ABCB5: variants seen among roughly 807,000 people sequenced by gnomAD.
ABCB5 encodes ATP-binding cassette sub-family B member 5.
A neutral mutation model predicts 144.2 loss-of-function variants in ABCB5; 155 were observed. The observed-to-expected ratio is 1.08, with a 90% CI of 0.94 to 1.23. The LOEUF is 1.23. Ranked by LOEUF, ABCB5 falls within the 50% of genes most tolerant of loss-of-function variation. The pLI is 0.00. For synonymous variants in ABCB5, 610 were observed against 528.6 expected, an observed-to-expected ratio of 1.15 and a Z score of -2.11; for missense variants, 1,830 against 1,520.8, an observed-to-expected ratio of 1.20 and a Z score of -3.38.
intron 2 of ABCB5, among the ~76,000 whole-genome samples, chr7:20,624,266 A>G (rs946428085): frequency 6.6e-6 from 1 of 152,328 alleles, no homozygotes; most frequent in Non-Finnish European, 1.5e-5. Context: ...CACAGGAAGC[A>G]TTGTAACTGT....
intron 14 of ABCB5, among the ~76,000 whole-genome samples, chr7:20,666,347 A>G (rs1461409608): frequency 6.6e-6 from 1 of 152,176 alleles, no homozygotes; most frequent in African/African-American, 2.4e-5. Flanking sequence ...CTGTGCTGAC[A>G]CGCTTTCCCA....
chr7:20,755,031 C>A (rs1783043585), intron 27 of ABCB5, among the ~76,000 whole-genome samples: 1 of 152,062 alleles, frequency 6.6e-6, no homozygotes, highest in South Asian at 2.1e-4. Flanking sequence ...CTCACGGCAA[C>A]CTCCACCTCC....
chr7:20,674,220 T>C (rs1200529554), intron 14 of ABCB5, among the ~76,000 whole-genome samples: 1 of 151,958 alleles, frequency 6.6e-6, no homozygotes, highest in Non-Finnish European at 1.5e-5. Flanking sequence ...GGAGTTACAA[T>C]TTCCAGTGTT....
At chr7:20,697,542 C>G (rs972310697) in intron 16 of ABCB5, among the ~76,000 whole-genome samples, 2 of 152,166 alleles carry the variant, frequency 1.3e-5, no homozygotes, top group African/African-American at 4.8e-5. Context: ...AGATCGTTAT[C>G]GTATTATTTA....
chr7:20,628,619 G>T (rs1783961785), intron 3 of ABCB5, 69 bp from the exon 4 acceptor site: 1 of 1,510,850 alleles, frequency 6.6e-7, no homozygotes, highest in African/African-American at 1.4e-5. Flanking sequence ...GCTGTTGTGT[G>T]TGTGTGTGTG....
intron 19 of ABCB5, among the ~76,000 whole-genome samples, chr7:20,703,896 C>CAGAAA (rs1786720378): frequency 6.6e-6 from 1 of 152,090 alleles, no homozygotes; most frequent in Non-Finnish European, 1.5e-5. Flanking sequence ...GTTTCACAGC[C>CAGAAA]TTCTGCCCTT....
intron 5 of ABCB5, among the ~76,000 whole-genome samples, chr7:20,633,870 T>C (rs968147536): frequency 1.3e-5 from 2 of 152,164 alleles, no homozygotes; most frequent in African/African-American, 4.8e-5. Flanking sequence ...TTTGTGGCTA[T>C]ATAATTTTGT....
At position 20,647,822 on chromosome 7, in the gene ABCB5, T is replaced by C. The variant is rs148992503; in HGVS notation, c.1096-146T>C. On this transcript the variant is annotated intron_variant, in intron 10 of 27. Coordinates refer to ENST00000404938, the MANE Select transcript of ABCB5 (RefSeq NM_001163941.2). ...TTTTCTAAGAGGAGATTGTGTTGTA[T>C]TGAAACCTTCATGTCTAACTCAATG... The C allele has an allele frequency of 1.2e-4, 143 of 1,174,800 alleles. No homozygotes were observed. The East Asian group carries it at 1.7e-3, about 14-fold the overall frequency. 72.8% of individuals were successfully genotyped at this position (1,174,800 alleles called of 1,614,324 possible).
intron 20 of ABCB5, among the ~76,000 whole-genome samples, chr7:20,706,509 G>A (rs980931071): frequency 2.1e-4 from 32 of 152,108 alleles, no homozygotes; most frequent in African/African-American, 7.2e-4. Context: ...GGGAAATTAC[G>A]GGGAATAGTT....
chr7:20,715,146 C>G (rs6961999), intron 20 of ABCB5, among the ~76,000 whole-genome samples: 4,321 of 152,030 alleles, frequency 0.028, 186 homozygotes, highest in African/African-American at 0.095. Flanking sequence ...CTGGGTTCAC[C>G]CAATTCTCCT....
chr7:20,708,374 C>T (rs978345452), intron 20 of ABCB5, among the ~76,000 whole-genome samples: 5 of 152,040 alleles, frequency 3.3e-5, no homozygotes, highest in Non-Finnish European at 5.9e-5. Context: ...TGCAGTGGCT[C>T]ACATCAGTAA....
At chr7:20,662,479 A>C (rs1785032933) in intron 14 of ABCB5, among the ~76,000 whole-genome samples, 1 of 152,230 alleles carries the variant, frequency 6.6e-6, no homozygotes. Context: ...TTTTACACAC[A>C]AACACACACA....
Position 20,742,922 on chromosome 7 carries a change from T to C in ABCB5, c.3070T>C (p.Tyr1024His). The change falls in exon 25 of 28, where the codon TAT becomes CAT. Residue 1024 changes from tyrosine to histidine, a missense_variant. By Grantham distance (83) the Tyr-to-His change is moderately conservative. Coordinates refer to ENST00000404938, the MANE Select transcript of ABCB5 (RefSeq NM_001163941.2). ...NLEFREVSFF[Y>H]PCRPDVFILR... Reference sequence around the variant, plus strand: ...AGAGTTTCGAGAAGTCTCTTTCTTCTATCCATGTCGCCCAGATGTTTTCAT... The same window carrying C: ...AGAGTTTCGAGAAGTCTCTTTCTTCCATCCATGTCGCCCAGATGTTTTCAT... 1.2e-6 allele frequency: 2 copies of C among 1,614,232 alleles called. No homozygotes were observed. Among genetic ancestry groups the C allele is most frequent in the Non-Finnish European group, 1.7e-6 (2 of 1,180,048 alleles).
intron 5 of ABCB5, among the ~76,000 whole-genome samples, chr7:20,634,437 T>C (rs1188058154): frequency 6.6e-6 from 1 of 152,102 alleles, no homozygotes; most frequent in Non-Finnish European, 1.5e-5. Flanking sequence ...CCAAATTGAA[T>C]GGTATTTCAA....
chr7:20,619,635 T>C (rs913284081), intron 1 of ABCB5, among the ~76,000 whole-genome samples: 4 of 152,150 alleles, frequency 2.6e-5, no homozygotes, highest in Admixed American at 6.6e-5. Context: ...AGGTTATGTG[T>C]TTACTTTGTT....
intron 24 of ABCB5, among the ~76,000 whole-genome samples, chr7:20,739,613 A>T (rs1782497349): frequency 6.6e-6 from 1 of 152,096 alleles, no homozygotes; most frequent in South Asian, 2.1e-4. Context: ...TATATGCCTG[A>T]TGCTATGAGA....
intron 13 of ABCB5, among the ~76,000 whole-genome samples, chr7:20,658,166 G>C (rs191330179): frequency 6.6e-6 from 1 of 152,098 alleles, no homozygotes; most frequent in South Asian, 2.1e-4. Context: ...TTGTATTACA[G>C]TGGTTCTTTT....
intron 23 of ABCB5, among the ~76,000 whole-genome samples, chr7:20,737,199 AC>A (rs1782408563): frequency 6.6e-6 from 1 of 151,542 alleles, no homozygotes; most frequent in Admixed American, 6.6e-5. Flanking sequence ...CCCTCACTCA[AC>A]CCCAGATAGT....
chr7:20,728,493 C>A (rs559978873), intron 23 of ABCB5, 38 bp downstream of exon 23: 10 of 1,603,490 alleles, frequency 6.2e-6, no homozygotes, highest in African/African-American at 1.3e-5. Flanking sequence ...GTAGCTCACA[C>A]CTGTAATTCC....
Sources: allele counts gnomAD v4.1 joint callset (sites outside exome capture counted in the v4.1 genomes callset), GRCh38; gene constraint gnomAD v4.1.1; transcripts MANE v1.5; gene names NCBI Gene and HGNC (gene_info 2026-07-23, HGNC 2026-07-21).